The following OXSR1 variants were observed in gnomAD, a reference collection of about 807,000 sequenced individuals.
OXSR1 encodes oxidative stress responsive kinase 1.
OXSR1 carries 24 observed loss-of-function variants against 79.8 expected under a neutral mutation model. The observed-to-expected ratio is 0.30, with a 90% CI of 0.22 to 0.42. The LOEUF is 0.42. Ranked by LOEUF, OXSR1 falls within the 10% of genes least tolerant of loss-of-function variation. OXSR1 has a pLI of 1.00. For synonymous variants in OXSR1, 226 were observed against 209.2 expected, an observed-to-expected ratio of 1.08 and a Z score of -0.69; for missense variants, 430 against 618.4, an observed-to-expected ratio of 0.70 and a Z score of 3.23.
At chr3:38,216,967 A>G (rs1702493266) in intron 5 of OXSR1, among the ~76,000 whole-genome samples, 1 of 152,192 alleles carries the variant, frequency 6.6e-6, no homozygotes, top group South Asian at 2.1e-4. Context: ...AGAGGAACAA[A>G]TGGTTTATTA....
intron 2 of OXSR1, among the ~76,000 whole-genome samples, chr3:38,183,752 C>T (rs1390489128): frequency 6.6e-6 from 1 of 152,092 alleles, no homozygotes; most frequent in Admixed American, 6.5e-5. Context: ...CAAGCAATAG[C>T]TGTAAGAATG....
intron 4 of OXSR1, among the ~76,000 whole-genome samples, chr3:38,201,918 A>G (rs755605927): frequency 6.6e-6 from 1 of 152,240 alleles, no homozygotes; most frequent in Non-Finnish European, 1.5e-5. Context: ...TTTGCTAAAG[A>G]TGTGCAGTTT....
In OXSR1 at chr3:38,165,755, C is replaced by A. The variant is rs553074605; in HGVS notation, c.-122C>A. 1.2e-5 allele frequency: 11 copies of A among 892,136 alleles called. No homozygotes were observed. In the East Asian group the frequency reaches 2.9e-4, roughly 24 times the overall value. The allele number at this position is 892,136 out of a possible 1,614,324, so 55.3% of individuals were successfully genotyped here. A position where few individuals can be genotyped will look rare whatever the true frequency, so the allele number is the denominator to read the frequency against. On this transcript the variant is annotated 5_prime_UTR_variant, in exon 1 of 18. Transcript: ENST00000311806. ...CGGCGCCGTCCGACCCGTGGCTGTT[C>A]CGAGACGATTGGTGGGGGCGCGGCG... is the stretch of plus-strand genomic sequence containing the variant.
chr3:38,218,770 G>A (rs1476396082), intron 5 of OXSR1, among the ~76,000 whole-genome samples: 1 of 152,050 alleles, frequency 6.6e-6, no homozygotes, highest in East Asian at 1.9e-4. Flanking sequence ...TTTCTCCTAT[G>A]TTTTAAGAGT....
In OXSR1 at chr3:38,248,288, C is replaced by T. The variant is rs147079648; in HGVS notation, c.1322+556C>T. ...TATAGAGAGGTCCTGACAGATTGCT[C>T]AGCAGGAAGTGCCATAGGTAGCAGT... is the stretch of plus-strand genomic sequence containing the variant. On this transcript the variant is annotated intron_variant, in intron 14 of 17. Transcript: ENST00000311806. Among the ~76,000 whole-genome samples, 96 of 152,056 alleles carry T rather than the reference C, an allele frequency of 6.3e-4. 1 individual carries two copies. The highest frequency in any genetic ancestry group is 2.1e-3 in the African/African-American group (87 of 41,492).
At position 38,229,638 on chromosome 3, in the gene OXSR1, C is replaced by T. The variant is rs749179666; in HGVS notation, c.837-49C>T. On this transcript the variant is annotated intron_variant, in intron 8 of 17. Coordinates refer to ENST00000311806, the MANE Select transcript of OXSR1 (RefSeq NM_005109.3). ...TTTTTGATGATGGAATCTGACATTA[C>T]ACTTGAATTAATTATAAAAACTTTT... 6.7e-6 allele frequency: 10 copies of T among 1,493,700 alleles called. No homozygotes were observed. The Admixed American group carries it at 1.8e-4, about 26-fold the overall frequency. 92.5% of individuals were successfully genotyped at this position (1,493,700 alleles called of 1,614,324 possible).
At chr3:38,240,689 G>C (rs1703014075) in intron 11 of OXSR1, among the ~76,000 whole-genome samples, 2 of 144,414 alleles carry the variant, frequency 1.4e-5, no homozygotes, top group African/African-American at 5.1e-5. Context: ...TTGCCAGAAG[G>C]AAAAGATACT....
Position 38,211,853 on chromosome 3 carries a change from A to G in OXSR1, c.435-4243A>G, listed in dbSNP as rs374895119. 2.1e-4 allele frequency among the ~76,000 whole-genome samples: 32 copies of G among 152,130 alleles called. No individual in the cohort carries two copies. In the East Asian group the frequency reaches 6.0e-3, roughly 29 times the overall value. On this transcript the variant is annotated intron_variant, in intron 4 of 17. Coordinates refer to ENST00000311806, the MANE Select transcript of OXSR1 (RefSeq NM_005109.3). ...TCTAGCTGTGTGGTATTTTCCCCCT[A>G]ATTTATCCAGCATCTCTTTGTGTTT...
intron 4 of OXSR1, among the ~76,000 whole-genome samples, chr3:38,201,760 A>T (rs992911693): frequency 6.6e-6 from 1 of 152,014 alleles, no homozygotes; most frequent in African/African-American, 2.4e-5. Context: ...GCTACTCAGG[A>T]GGCTGAGGCA....
At chr3:38,219,624 C>A (rs1400332846) in intron 5 of OXSR1, among the ~76,000 whole-genome samples, 1 of 152,068 alleles carries the variant, frequency 6.6e-6, no homozygotes, top group Admixed American at 6.6e-5. Context: ...AAATACCTGC[C>A]CAAGTTCAGC....
chr3:38,247,600 A>G (rs1322777069), intron 13 of OXSR1, 68 bp from the exon 14 acceptor site: 30 of 1,089,258 alleles, frequency 2.8e-5, no homozygotes, highest in Non-Finnish European at 3.5e-5. Context: ...TTCCTCTGCC[A>G]GTGACCATTA....
intron 14 of OXSR1, 106 bp downstream of exon 14, chr3:38,247,838 G>C (rs976776142): frequency 1.7e-5 from 11 of 653,086 alleles, no homozygotes; most frequent in Non-Finnish European, 2.7e-5. Flanking sequence ...ATGTCCTCCA[G>C]CATCAAGCTC....
At chr3:38,221,899 A>G (rs972502626) in intron 6 of OXSR1, among the ~76,000 whole-genome samples, 1 of 152,192 alleles carries the variant, frequency 6.6e-6, no homozygotes, top group Non-Finnish European at 1.5e-5. Flanking sequence ...GAATAATATA[A>G]TTGAGGTTTG....
At chr3:38,164,741 T>A (rs1701395927), upstream of OXSR1, among the ~76,000 whole-genome samples, 1 of 151,970 alleles carries the variant, frequency 6.6e-6, no homozygotes, top group Admixed American at 6.6e-5. Context: ...ACCTCCCGAG[T>A]CCCTCAAGGC....
rs1559533115 is a variant in OXSR1 at position 38,255,381 on chromosome 3, T to G, written c.*2490T>G. 1 of 152,688 alleles carries G rather than the reference T, an allele frequency of 6.5e-6. No homozygotes were observed. Among genetic ancestry groups the G allele is most frequent in the Non-Finnish European group, 1.5e-5 (1 of 68,040 alleles). The allele number at this position is 152,688 out of a possible 1,614,324, so 9.5% of individuals were successfully genotyped here. On this transcript the variant is annotated 3_prime_UTR_variant, in exon 18 of 18. Transcript: ENST00000311806. ...GGAGATTCCTCCTTATGATGTATGCTAGGTTATGGAAGATGTAAAATATTC... is the reference window on the plus strand; with the variant it reads ...GGAGATTCCTCCTTATGATGTATGCGAGGTTATGGAAGATGTAAAATATTC...
intron 1 of OXSR1, among the ~76,000 whole-genome samples, chr3:38,166,211 T>C (rs1330650325): frequency 2.6e-5 from 4 of 151,910 alleles, no homozygotes; most frequent in Non-Finnish European, 5.9e-5. Flanking sequence ...TTCTCAAATG[T>C]GTGGACAGGA....
In OXSR1 at chr3:38,236,951, C is replaced by T. The variant is rs747176039; in HGVS notation, c.1064C>T (p.Ser355Leu). Residue 355 changes from serine (S) to leucine (L), a missense_variant, in exon 11 of 18, where the codon TCA (serine) becomes TTA (leucine). Coordinates refer to ENST00000311806, the MANE Select transcript of OXSR1 (RefSeq NM_005109.3). ...AGTGAGGAAGGGAAAGCAGCAATTT[C>T]ACAACTCAGGGTAAATTTTATTAAA... Reference protein sequence around the residue: ...EESEEGKAAISQLRSPRVKES... With the variant: ...EESEEGKAAILQLRSPRVKES... The T allele has an allele frequency of 1.2e-6, 2 of 1,611,558 alleles. No individual in the cohort carries two copies. Among genetic ancestry groups the T allele is most frequent in the Admixed American group, 1.7e-5 (1 of 59,888 alleles).
intron 2 of OXSR1, among the ~76,000 whole-genome samples, chr3:38,185,105 G>C (rs1701859227): frequency 6.7e-6 from 1 of 150,210 alleles, no homozygotes; most frequent in Admixed American, 6.6e-5. Flanking sequence ...CTGGGCAACA[G>C]AGTAAGACTC....
At chr3:38,195,599 T>A (rs1435306515) in intron 3 of OXSR1, among the ~76,000 whole-genome samples, 1 of 152,196 alleles carries the variant, frequency 6.6e-6, no homozygotes, top group African/African-American at 2.4e-5. Context: ...CTAAGTTGAA[T>A]GAATTGATTT....
Sources: allele counts gnomAD v4.1 joint callset (sites outside exome capture counted in the v4.1 genomes callset), GRCh38; gene constraint gnomAD v4.1.1; transcripts MANE v1.5; gene names NCBI Gene and HGNC (gene_info 2026-07-23, HGNC 2026-07-21).